Variants in ATXN3 observed in about 807,000 individuals in gnomAD.
ATXN3 encodes ataxin-3.
A neutral mutation model predicts 58.2 loss-of-function variants in ATXN3; 28 were observed. That is an observed-to-expected ratio of 0.48 (90% CI 0.36 to 0.66). The LOEUF (loss-of-function observed/expected upper bound fraction) is 0.66, where lower values mean the gene tolerates loss of function less well. ATXN3 is among the 30% of genes least tolerant of loss of function. The pLI is 0.00. For synonymous variants in ATXN3, 113 were observed against 138.5 expected (o/e 0.82, Z 1.29); for missense variants, 321 against 422.1 (o/e 0.76, Z 2.10).
At position 92,081,069 on chromosome 14, in the gene ATXN3, C is replaced by G. The variant is rs780880202; in HGVS notation, c.776-8G>C. 2 of 1,536,366 alleles carry G rather than the reference C, an allele frequency of 1.3e-6. No homozygotes were observed. The highest frequency in any genetic ancestry group is 1.4e-5 in the African/African-American group (1 of 73,168). On this transcript the variant is annotated splice_polypyrimidine_tract_variant and splice_region_variant and intron_variant, in intron 8 of 10. Coordinates refer to ENST00000644486, the MANE Select transcript of ATXN3 (RefSeq NM_004993.6). The stretch of plus-strand genomic sequence containing the variant: ...ATATGTTTCTGGAACTACCTGAAAA[C>G]AAAACACAACACAACAAAAACCAAT...
At position 92,060,306 on chromosome 14, in the gene ATXN3, G is replaced by A. The variant is rs374276626; in HGVS notation, c.*4014C>T. On this transcript the variant is annotated 3_prime_UTR_variant, in exon 11 of 11. Coordinates refer to ENST00000644486, the MANE Select transcript of ATXN3 (RefSeq NM_004993.6). Reference sequence around the variant, plus strand: ...TCAGAAACAGTGTCTCACTCTGTTGGGCAGGCTGGAATGCAGTGGTGAGCC... The same window carrying A: ...TCAGAAACAGTGTCTCACTCTGTTGAGCAGGCTGGAATGCAGTGGTGAGCC... 9.0e-5 allele frequency: 13 copies of A among 144,644 alleles called. No homozygotes were observed. The East Asian group carries it at 2.4e-3, about 27-fold the overall frequency. The allele number at this position is 144,644 out of a possible 1,614,324, so 9.0% of individuals were successfully genotyped here.
Position 92,093,757 on chromosome 14 carries a change from C to G in ATXN3, c.309G>C (p.Arg103Ser), listed in dbSNP as rs962365609. The G allele has an allele frequency of 1.9e-6, 3 of 1,607,318 alleles. No homozygotes were observed. Among genetic ancestry groups the G allele is most frequent in the Non-Finnish European group, 2.6e-6 (3 of 1,174,390 alleles). The change falls in exon 4 of 11, where the codon AGG becomes AGC. Residue 103 changes from arginine (R) to serine (S), a missense_variant. Arg to Ser is a moderately radical substitution (Grantham distance 110, BLOSUM62 -1). Coordinates refer to ENST00000644486, the MANE Select transcript of ATXN3 (RefSeq NM_004993.6). ...AAACAGAATCTTACATAGGATCGAT[C>G]CTGAGCCTCTGATACTCTGGACTGT... ...LFNSPEYQRL[R>S]IDPINERSFI...
upstream of ATXN3, among the ~76,000 whole-genome samples, chr14:92,053,530 T>C (rs1313983242): frequency 6.6e-6 from 1 of 150,680 alleles, no homozygotes; most frequent in Admixed American, 6.6e-5. Flanking sequence ...GGGGTCTCAC[T>C]CTGTTGCCCA....
Position 92,063,581 on chromosome 14 carries a change from A to AT in ATXN3, c.*738dup, listed in dbSNP as rs1351717335. Reference sequence around the variant, plus strand: ...CATCTGGGAAAGCACATGCTCACACATTTTAAAAAATGCTCATTTATTCTC... The same window carrying AT: ...CATCTGGGAAAGCACATGCTCACACATTTTTAAAAAATGCTCATTTATTCTC... On this transcript the variant is annotated 3_prime_UTR_variant, in exon 11 of 11. Transcript: ENST00000644486. The AT allele has an allele frequency of 1.1e-4, 17 of 152,220 alleles. No individual in the cohort carries two copies. Among genetic ancestry groups the AT allele is most frequent in the Non-Finnish European group, 2.4e-4 (16 of 68,046 alleles). The allele number at this position is 152,220 out of a possible 1,614,324, so 9.4% of individuals were successfully genotyped here. A position where few individuals can be genotyped will look rare whatever the true frequency, so the allele number is the denominator to read the frequency against.
intron 9 of ATXN3, among the ~76,000 whole-genome samples, chr14:92,076,703 G>A (rs1207594140): frequency 2.6e-5 from 4 of 151,800 alleles, no homozygotes; most frequent in Non-Finnish European, 1.5e-5. Context: ...ACTTTGGGAG[G>A]CCGAGGTAGG....
downstream of ATXN3, among the ~76,000 whole-genome samples, chr14:92,057,688 A>AGTC (rs1332072183): frequency 3.9e-5 from 6 of 152,164 alleles, no homozygotes; most frequent in African/African-American, 1.4e-4. Context: ...CAACCCTCAT[A>AGTC]AAATTTGAGG....
At chr14:92,103,456 G>A (rs1382602666) in intron 1 of ATXN3, among the ~76,000 whole-genome samples, 2 of 151,744 alleles carry the variant, frequency 1.3e-5, no homozygotes, top group Non-Finnish European at 2.9e-5. Context: ...TTTCTTTTGA[G>A]ACAGGATCTT....
chr14:92,053,783 G>C (rs961430280), downstream of ATXN3, among the ~76,000 whole-genome samples: 2 of 151,908 alleles, frequency 1.3e-5, no homozygotes, highest in African/African-American at 4.8e-5. Flanking sequence ...ACAGGTGTAA[G>C]CCACCAAACC....
intron 9 of ATXN3, among the ~76,000 whole-genome samples, chr14:92,077,756 T>C (rs2060677825): frequency 1.3e-5 from 2 of 151,952 alleles, no homozygotes; most frequent in South Asian, 4.2e-4. Flanking sequence ...ACGATTCTCC[T>C]GCCTCAGCCT....
intron 2 of ATXN3, chr14:92,096,448 C>A (rs2141137346): frequency 1.3e-6 from 1 of 786,348 alleles, no homozygotes; most frequent in Non-Finnish European, 2.0e-6. Flanking sequence ...CATGGTGAAA[C>A]CCCATCTCTA....
intron 6 of ATXN3, 139 bp downstream of exon 6, chr14:92,088,591 C>T: frequency 1.5e-6 from 1 of 685,502 alleles, no homozygotes. Context: ...ACCCAAATCA[C>T]AGCCTATCAC....
At chr14:92,087,666 T>C (rs2062886145) in intron 6 of ATXN3, among the ~76,000 whole-genome samples, 1 of 152,116 alleles carries the variant, frequency 6.6e-6, no homozygotes, top group Admixed American at 6.6e-5. Context: ...GGAGTGATTA[T>C]GATGACGGAT....
downstream of ATXN3, among the ~76,000 whole-genome samples, chr14:92,056,155 T>G (rs1304882754): frequency 6.6e-6 from 1 of 152,006 alleles, no homozygotes; most frequent in African/African-American, 2.4e-5. Context: ...TTTAGAGGGG[T>G]GAAGAACGAG....
chr14:92,048,495 G>T (rs1015451827), intron 1 of ATXN3, among the ~76,000 whole-genome samples: 4 of 152,236 alleles, frequency 2.6e-5, no homozygotes, highest in African/African-American at 9.6e-5. Flanking sequence ...GGGCGGTAAA[G>T]TGTCCAAGGG....
intron 1 of ATXN3, among the ~76,000 whole-genome samples, chr14:92,100,243 A>G (rs2066459593): frequency 6.6e-6 from 1 of 152,230 alleles, no homozygotes. Flanking sequence ...TACATCTCCT[A>G]TGATCTAGCA....
At chr14:92,067,149 T>C (rs2058599990) in intron 10 of ATXN3, among the ~76,000 whole-genome samples, 1 of 152,134 alleles carries the variant, frequency 6.6e-6, no homozygotes, top group Admixed American at 6.5e-5. Flanking sequence ...TGATGGGAAA[T>C]CTGCTGTCAT....
At chr14:92,095,984 T>C in intron 3 of ATXN3, 109 bp downstream of exon 3, 1 of 919,272 alleles carries the variant, frequency 1.1e-6, no homozygotes. Flanking sequence ...ATCTATACTC[T>C]GTAGACAGAA....
intron 10 of ATXN3, among the ~76,000 whole-genome samples, chr14:92,065,277 G>A (rs778249126): frequency 6.6e-6 from 1 of 152,220 alleles, no homozygotes; most frequent in African/African-American, 2.4e-5. Flanking sequence ...GGTGCTGCCT[G>A]TGCCAACAGT....
Position 92,062,410 on chromosome 14 carries a change from G to T in ATXN3, c.*1910C>A, listed in dbSNP as rs1349135437. 1 of 152,014 alleles carries T rather than the reference G, an allele frequency of 6.6e-6. No homozygotes were observed. Among genetic ancestry groups the T allele is most frequent in the Non-Finnish European group, 1.5e-5 (1 of 68,014 alleles). The allele number at this position is 152,014 out of a possible 1,614,324, so 9.4% of individuals were successfully genotyped here. A position where few individuals can be genotyped will look rare whatever the true frequency, so the allele number is the denominator to read the frequency against. On this transcript the variant is annotated 3_prime_UTR_variant, in exon 11 of 11. Coordinates refer to ENST00000644486, the MANE Select transcript of ATXN3 (RefSeq NM_004993.6). ...TATTGGTTTTCTCATTTTTATATTA[G>T]GTAGCTCATCAATTCAAGTGTATGA...
Sources: allele counts gnomAD v4.1 joint callset (sites outside exome capture counted in the v4.1 genomes callset), GRCh38; gene constraint gnomAD v4.1.1; transcripts MANE v1.5; gene names NCBI Gene and HGNC (gene_info 2026-07-23, HGNC 2026-07-21).